SHTN1: variants seen among roughly 807,000 people sequenced by gnomAD.
The protein encoded by SHTN1 is shootin-1.
SHTN1 carries 42 observed loss-of-function variants against 83.1 expected under a neutral mutation model. The ratio of observed to expected loss-of-function variants is 0.51; its 90% CI spans 0.39 to 0.65. The LOEUF (loss-of-function observed/expected upper bound fraction) is 0.65, where lower values mean the gene tolerates loss of function less well. SHTN1 is among the 30% of genes least tolerant of loss of function. The probability of loss-of-function intolerance (pLI) is 0.00; values close to 1 mark genes in which losing one functional copy is unlikely to be tolerated. For synonymous variants in SHTN1, 224 were observed against 247.7 expected (o/e 0.90, Z 0.90); for missense variants, 622 against 737.8 (o/e 0.84, Z 1.82).
At chr10:116,938,690 C>T (rs1028629903) in intron 9 of SHTN1, among the ~76,000 whole-genome samples, 1 of 152,212 alleles carries the variant, frequency 6.6e-6, no homozygotes, top group African/African-American at 2.4e-5. Flanking sequence ...AGAGCTCAAG[C>T]GCTGCGCTGG....
rs765239096 is a variant in SHTN1, at chr10:116,885,586, G to A, written c.*758C>T. 1.3e-5 allele frequency: 2 copies of A among 152,418 alleles called. No homozygotes were observed. Among genetic ancestry groups the A allele is most frequent in the Non-Finnish European group, 1.5e-5 (1 of 68,004 alleles). The allele number at this position is 152,418 out of a possible 1,614,324, so 9.4% of individuals were successfully genotyped here. ...GGTACTTGTGCCACATTAGTATTTG[G>A]GAAAACATAATTAACTCATAGCACA... On this transcript the variant is annotated 3_prime_UTR_variant, in exon 17 of 17. Transcript: ENST00000355371.
chr10:117,113,433 C>T (rs933377236), intron 1 of SHTN1, among the ~76,000 whole-genome samples: 8 of 152,184 alleles, frequency 5.3e-5, no homozygotes, highest in Admixed American at 5.2e-4. Context: ...ACATGACCAA[C>T]TGCTGAAGCA....
intron 10 of SHTN1, 151 bp from the exon 11 acceptor site, chr10:116,928,042 T>A (rs1848810432): frequency 2.5e-6 from 2 of 801,020 alleles, no homozygotes; most frequent in Middle Eastern, 3.8e-4. Flanking sequence ...CAGACCTTTT[T>A]AAACTTTTCA....
chr10:117,086,168 T>C (rs1291624362), intron 1 of SHTN1, among the ~76,000 whole-genome samples: 2 of 152,202 alleles, frequency 1.3e-5, no homozygotes, highest in African/African-American at 4.8e-5. Flanking sequence ...TCTGCCCGCC[T>C]TGGCCTCCCA....
At position 116,882,757 on chromosome 10, in the gene SHTN1, A is replaced by G. The variant is rs1847055755; in HGVS notation, c.*3587T>C. ...GAGCCAACTCTTTATTCTCAAAGCT[A>G]TGATTTGAAACTGGCTCAGGCGCAG... On this transcript the variant is annotated 3_prime_UTR_variant, in exon 17 of 17. Coordinates refer to ENST00000355371, the MANE Select transcript of SHTN1 (RefSeq NM_001127211.3). 6.6e-6 allele frequency: 1 copy of G among 152,158 alleles called. No individual in the cohort carries two copies. The highest frequency in any genetic ancestry group is 2.4e-5 in the African/African-American group (1 of 41,418). The allele number at this position is 152,158 out of a possible 1,614,324, so 9.4% of individuals were successfully genotyped here. A position where few individuals can be genotyped will look rare whatever the true frequency, so the allele number is the denominator to read the frequency against.
chr10:116,981,634 G>T (rs1420823584), intron 1 of SHTN1, among the ~76,000 whole-genome samples: 1 of 152,082 alleles, frequency 6.6e-6, no homozygotes, highest in Admixed American at 6.5e-5. Context: ...TTTATTAAAA[G>T]ACTTTGATTT....
chr10:116,908,598 A>G (rs1027881667), intron 14 of SHTN1, among the ~76,000 whole-genome samples: 1 of 152,220 alleles, frequency 6.6e-6, no homozygotes, highest in African/African-American at 2.4e-5. Flanking sequence ...ATAAGTTGTA[A>G]AACTACTACA....
At chr10:117,074,409 C>A (rs1188606682) in intron 1 of SHTN1, among the ~76,000 whole-genome samples, 2 of 152,128 alleles carry the variant, frequency 1.3e-5, no homozygotes, top group Non-Finnish European at 2.9e-5. Context: ...AGTAAGAGAT[C>A]CAGCAGAGAT....
At chr10:116,972,738 T>C (rs1426355699) in intron 2 of SHTN1, among the ~76,000 whole-genome samples, 1 of 152,238 alleles carries the variant, frequency 6.6e-6, no homozygotes, top group African/African-American at 2.4e-5. Flanking sequence ...ATCACTTAAT[T>C]ATGATGCCCA....
At chr10:117,021,473 G>A (rs1293224017) in intron 2 of SHTN1, among the ~76,000 whole-genome samples, 1 of 152,168 alleles carries the variant, frequency 6.6e-6, no homozygotes, top group African/African-American at 2.4e-5. Context: ...TACATTCTTA[G>A]TGAAATGTAA....
At chr10:116,897,929 G>A (rs1410474469) in intron 16 of SHTN1, among the ~76,000 whole-genome samples, 2 of 152,044 alleles carry the variant, frequency 1.3e-5, no homozygotes, top group Admixed American at 6.6e-5. Context: ...GGCTTTTATT[G>A]ATTAAAATAC....
chr10:117,064,453 A>G (rs1852943683), intron 1 of SHTN1, among the ~76,000 whole-genome samples: 1 of 152,160 alleles, frequency 6.6e-6, no homozygotes, highest in Non-Finnish European at 1.5e-5. Context: ...CAGGAGTTTG[A>G]GACCAGCCTG....
Position 116,901,924 on chromosome 10 carries a change from T to C in SHTN1, c.1514A>G (p.Lys505Arg). ...PTGILATSESKSMPVLGSVSS... is the reference protein window; with the variant it reads ...PTGILATSESRSMPVLGSVSS... ...TACAGAACCCAACACTGGCATGGAT[T>C]TGGACTCTGAGGTGGCTAATATCCC... Residue 505 changes from lysine (K) to arginine (R), a missense_variant, in exon 16 of 17, where the codon AAA (lysine) becomes AGA (arginine). By Grantham distance (26) the Lys-to-Arg change is conservative (BLOSUM62 2). This residue lies in a region of SHTN1 where 231 missense variants were observed against 251.6 expected (regional missense o/e 0.92). Coordinates refer to ENST00000355371, the MANE Select transcript of SHTN1 (RefSeq NM_001127211.3). 6.2e-7 allele frequency: 1 copy of C among 1,604,206 alleles called. No homozygotes were observed. The highest frequency in any genetic ancestry group is 8.5e-7 in the Non-Finnish European group (1 of 1,176,578).
At chr10:116,999,700 G>A (rs199768502) in intron 1 of SHTN1, among the ~76,000 whole-genome samples, 1 of 152,136 alleles carries the variant, frequency 6.6e-6, no homozygotes, top group Non-Finnish European at 1.5e-5. Context: ...GGATCACAAG[G>A]TCAGGAGTTC....
intron 1 of SHTN1, among the ~76,000 whole-genome samples, chr10:116,999,427 A>G (rs897500142): frequency 6.6e-6 from 1 of 152,188 alleles, no homozygotes. Context: ...AGATAAGAGA[A>G]AAGATCTTGG....
intron 1 of SHTN1, among the ~76,000 whole-genome samples, chr10:117,000,759 T>C (rs1905538): frequency 0.6 from 90,621 of 151,964 alleles, 30,066 homozygotes; most frequent in Middle Eastern, 0.76. Flanking sequence ...AATTAAAGTA[T>C]CCTGCCCTCC....
At position 116,882,087 on chromosome 10, in the gene SHTN1, T is replaced by A. The variant is rs902254223; in HGVS notation, c.*4257A>T. The A allele has an allele frequency of 1.3e-5, 2 of 154,446 alleles. No individual in the cohort carries two copies. The highest frequency in any genetic ancestry group is 4.8e-5 in the African/African-American group (2 of 41,556). The allele number at this position is 154,446 out of a possible 1,614,324, so 9.6% of individuals were successfully genotyped here. On this transcript the variant is annotated 3_prime_UTR_variant, in exon 17 of 17. Transcript: ENST00000355371. ...GTCCATCTTCTGTGTTTATTCTACA[T>A]GTCTGTGCTGAAAAGCACTGACACA...
intron 12 of SHTN1, among the ~76,000 whole-genome samples, chr10:116,918,700 T>C (rs1401576810): frequency 6.6e-6 from 1 of 152,244 alleles, no homozygotes; most frequent in Non-Finnish European, 1.5e-5. Flanking sequence ...TGGATACTAC[T>C]GTAAACACTT....
intron 1 of SHTN1, among the ~76,000 whole-genome samples, chr10:116,988,309 C>T (rs1474024359): frequency 6.7e-6 from 1 of 148,572 alleles, no homozygotes; most frequent in Admixed American, 6.7e-5. Context: ...AAAGCTAATA[C>T]ACACACACAC....
Sources: allele counts gnomAD v4.1 joint callset (sites outside exome capture counted in the v4.1 genomes callset), GRCh38; gene constraint gnomAD v4.1.1; regional missense constraint gnomAD v4.1.1; transcripts MANE v1.5; gene names NCBI Gene and HGNC (gene_info 2026-07-23, HGNC 2026-07-21).